The following TNRC18 variants were observed in gnomAD, a reference collection of about 807,000 sequenced individuals.
The protein encoded by TNRC18 is trinucleotide repeat-containing gene 18 protein.
TNRC18 carries 69 observed loss-of-function variants against 226.7 expected under a neutral mutation model. That is an observed-to-expected ratio of 0.30 (90% CI 0.25 to 0.37). The LOEUF is 0.37. TNRC18 is among the 10% of genes least tolerant of loss of function. The pLI, the probability that TNRC18 is intolerant of heterozygous loss-of-function variation, is 1.00. For synonymous variants in TNRC18, 2,449 were observed against 1,927.6 expected, an observed-to-expected ratio of 1.27 and a Z score of -7.09; for missense variants, 4,754 against 4,256.6, an observed-to-expected ratio of 1.12 and a Z score of -3.25.
intron 19 of TNRC18, among the ~76,000 whole-genome samples, chr7:5,332,153 G>A (rs1001327123): frequency 6.6e-6 from 1 of 152,150 alleles, no homozygotes; most frequent in Non-Finnish European, 1.5e-5. Context: ...TAAGATACGG[G>A]TGGTCAAGCA....
chr7:5,311,201 T>TGTGC lies in TNRC18; in HGVS notation c.8388+1301_8388+1302insGCAC, dbSNP rs11281033. ...GTACATGTGCACACATATGTGCGTG[T>TGTGC]GTGTGTGCATGTGCCCATGCTTTTG... On this transcript the variant is annotated intron_variant, in intron 27 of 29. Coordinates refer to ENST00000430969, the MANE Select transcript of TNRC18 (RefSeq NM_001080495.3). Among the ~76,000 whole-genome samples the TGTGC allele has an allele frequency of 7.4e-3, 1,121 of 152,174 alleles. 35 individuals are homozygous for TGTGC. The highest frequency in any genetic ancestry group is 0.055 in the Admixed American group (834 of 15,278).
At position 5,356,833 on chromosome 7, in the gene TNRC18, G is replaced by C. The variant is rs539870992; in HGVS notation, c.5194+83C>G. 20 of 1,437,914 alleles carry C rather than the reference G, an allele frequency of 1.4e-5. 1 individual carries two copies. The highest frequency in any genetic ancestry group is 2.5e-5 in the East Asian group (1 of 40,132). The allele number at this position is 1,437,914 out of a possible 1,614,324, so 89.1% of individuals were successfully genotyped here. A position where few individuals can be genotyped will look rare whatever the true frequency, so the allele number is the denominator to read the frequency against. ...GAGCGAGAGAGAGAGTGAGGGGCGG[G>C]GGGGGAAGGAGGACGGTGGAGAGAA... On this transcript the variant is annotated intron_variant, in intron 16 of 29. Transcript: ENST00000430969.
At chr7:5,418,881 G>A (rs1782357368) in intron 2 of TNRC18, among the ~76,000 whole-genome samples, 1 of 152,220 alleles carries the variant, frequency 6.6e-6, no homozygotes, top group Admixed American at 6.5e-5. Context: ...CACGGGCTTG[G>A]CTCTGGGCGT....
At chr7:5,397,561 A>G (rs763586881) in intron 2 of TNRC18, among the ~76,000 whole-genome samples, 20 of 151,954 alleles carry the variant, frequency 1.3e-4, no homozygotes, top group African/African-American at 3.6e-4. Context: ...ATGGACACAC[A>G]ATCCCCACTC....
In TNRC18 at chr7:5,324,386, T is replaced by G. The variant is rs777852112; in HGVS notation, c.6301-31A>C. 1 of 1,610,960 alleles carries G rather than the reference T, an allele frequency of 6.2e-7. No individual in the cohort carries two copies. Among genetic ancestry groups the G allele is most frequent in the South Asian group, 1.1e-5 (1 of 91,004 alleles). On this transcript the variant is annotated intron_variant, in intron 20 of 29. Transcript: ENST00000430969. This position sits in a 1 kb window ranked among gnomAD's most constrained non-coding sequence, Gnocchi z 4.8. ...GACAGAACATGGCCGACAAATGACTTAGGACCTGAACAGGGGTCCTGCCGG... is the reference window on the plus strand; with the variant it reads ...GACAGAACATGGCCGACAAATGACTGAGGACCTGAACAGGGGTCCTGCCGG...
In TNRC18 at chr7:5,362,711, C is replaced by G. The variant is rs746622103; in HGVS notation, c.4334G>C (p.Arg1445Pro). The G allele has an allele frequency of 1.0e-5, 16 of 1,581,688 alleles. No homozygotes were observed. In the African/African-American group the frequency reaches 2.2e-4, roughly 21 times the overall value. ...GPVVDPLKNL[R>P]LPRELKPNKK... ...GTTGGGCTTCAGCTCCCGCGGGAGC[C>G]GCAGGTTCTTGAGTGGGTCCACCAC... The change falls in exon 12 of 30, where the codon CGG (arginine) becomes CCG (proline). Residue 1445 changes from arginine to proline, a missense_variant. Coordinates refer to ENST00000430969, the MANE Select transcript of TNRC18 (RefSeq NM_001080495.3).
chr7:5,326,753 G>A (rs1282609578), intron 19 of TNRC18, among the ~76,000 whole-genome samples: 1 of 151,448 alleles, frequency 6.6e-6, no homozygotes, highest in Non-Finnish European at 1.5e-5. Context: ...GTTGCAGTGA[G>A]CCGAGATCGC....
chr7:5,405,879 C>T lies in TNRC18; in HGVS notation c.188-11284G>A, dbSNP rs149093061. On this transcript the variant is annotated intron_variant, in intron 2 of 29. Transcript: ENST00000430969. ...AGGAGTTTGAGACCAGTCTCGGCAA[C>T]ATCAAGAGACCCGTTTCTATTTTAA... Among the ~76,000 whole-genome samples the T allele has an allele frequency of 1.2e-3, 178 of 152,284 alleles. 1 individual carries two copies. Among genetic ancestry groups the T allele is most frequent in the African/African-American group, 4.3e-3 (177 of 41,564 alleles).
At chr7:5,413,963 T>G (rs1584120088) in intron 2 of TNRC18, among the ~76,000 whole-genome samples, 1 of 151,998 alleles carries the variant, frequency 6.6e-6, no homozygotes, top group Non-Finnish European at 1.5e-5. Flanking sequence ...GTCTTATTTG[T>G]TTTTTTTGAG....
chr7:5,410,228 T>C (rs113270683), intron 2 of TNRC18, among the ~76,000 whole-genome samples: 1,973 of 149,378 alleles, frequency 0.013, 52 homozygotes, highest in African/African-American at 0.046. Context: ...TGAGAATCAT[T>C]TGAACCCAAG....
Position 5,308,327 on chromosome 7 carries a change from G to A in TNRC18, c.8701-15C>T, listed in dbSNP as rs1225587424. On this transcript the variant is annotated splice_polypyrimidine_tract_variant and intron_variant, in intron 29 of 29. Coordinates refer to ENST00000430969, the MANE Select transcript of TNRC18 (RefSeq NM_001080495.3). ...TATAGCGCGCGCTGCGGGCACGCGG[G>A]GATATCAGGATGGCAGGTGGGGGGC... 3 of 1,599,136 alleles carry A rather than the reference G, an allele frequency of 1.9e-6. No homozygotes were observed. The highest frequency in any genetic ancestry group is 1.1e-5 in the South Asian group (1 of 88,692).
chr7:5,307,555 C>T lies in TNRC18; in HGVS notation c.*551G>A, dbSNP rs1016142229. 4.2e-5 allele frequency: 19 copies of T among 450,444 alleles called. No individual in the cohort carries two copies. The highest frequency in any genetic ancestry group is 2.0e-4 in the South Asian group (13 of 63,582). The allele number at this position is 450,444 out of a possible 1,614,324, so 27.9% of individuals were successfully genotyped here. A position where few individuals can be genotyped will look rare whatever the true frequency, so the allele number is the denominator to read the frequency against. ...CCCCACCCGGCTCTGTTCCCCAAGT[C>T]TAGGCCATCCTGAGAGGGTGGGGGC... On this transcript the variant is annotated 3_prime_UTR_variant, in exon 30 of 30. Coordinates refer to ENST00000430969, the MANE Select transcript of TNRC18 (RefSeq NM_001080495.3).
chr7:5,375,665 A>C (rs1794594800), intron 9 of TNRC18, among the ~76,000 whole-genome samples: 2 of 152,068 alleles, frequency 1.3e-5, no homozygotes, highest in African/African-American at 4.8e-5. Context: ...CCGAGAGGCC[A>C]CCTGGAGAGA....
At chr7:5,408,516 C>A (rs1452909388) in intron 2 of TNRC18, among the ~76,000 whole-genome samples, 3 of 151,408 alleles carry the variant, frequency 2.0e-5, no homozygotes, top group Non-Finnish European at 2.9e-5. Context: ...GGTGTGGCAG[C>A]GCGTGCAGCT....
At chr7:5,322,732 G>A (rs1788504930) in intron 21 of TNRC18, among the ~76,000 whole-genome samples, 1 of 152,234 alleles carries the variant, frequency 6.6e-6, no homozygotes, top group Admixed American at 6.5e-5. Context: ...ACTTGGGCCT[G>A]CCCTTCCTCC....
intron 18 of TNRC18, among the ~76,000 whole-genome samples, chr7:5,341,628 G>A (rs1289466169): frequency 6.6e-6 from 1 of 151,800 alleles, no homozygotes; most frequent in African/African-American, 2.4e-5. Flanking sequence ...GCCACATGTG[G>A]TGGTGCACGC....
intron 2 of TNRC18, among the ~76,000 whole-genome samples, chr7:5,413,973 G>A (rs908810565): frequency 6.6e-6 from 1 of 152,000 alleles, no homozygotes; most frequent in Admixed American, 6.5e-5. Flanking sequence ...TTTTTTTTGA[G>A]ATGGAGTCTC....
At position 5,347,338 on chromosome 7, in the gene TNRC18, C is replaced by T. The variant is rs368249419; in HGVS notation, c.5471-1528G>A. On this transcript the variant is annotated intron_variant, in intron 17 of 29. Transcript: ENST00000430969. ...GAGTAGTGGGACTACAGGCGCCCAC[C>T]ACCACACCAGGCTAATTTTTTTTTT... Among the ~76,000 whole-genome samples, 236 of 151,092 alleles carry T rather than the reference C, an allele frequency of 1.6e-3. 5 individuals carry two copies. In the East Asian group the frequency reaches 0.042, roughly 27 times the overall value.
At position 5,382,022 on chromosome 7, in the gene TNRC18, TAAAC is replaced by T. The variant is rs552692066; in HGVS notation, c.2153-4002_2153-3999del. Among the ~76,000 whole-genome samples, 479 of 152,074 alleles carry T rather than the reference TAAAC, an allele frequency of 3.1e-3. 3 individuals are homozygous for T. The highest frequency in any genetic ancestry group is 5.3e-3 in the Non-Finnish European group (360 of 68,000). On this transcript the variant is annotated intron_variant, in intron 5 of 29. Coordinates refer to ENST00000430969, the MANE Select transcript of TNRC18 (RefSeq NM_001080495.3). Reference sequence around the variant, plus strand: ...TAAAAAATAAAATAAAGTGGATAAATAAACAAAGGCTGTCCCTGTGCCCAGCAGG... The same window carrying T: ...TAAAAAATAAAATAAAGTGGATAAATAAAGGCTGTCCCTGTGCCCAGCAGG...
Sources: allele counts gnomAD v4.1 joint callset (sites outside exome capture counted in the v4.1 genomes callset), GRCh38; gene constraint gnomAD v4.1.1; non-coding constraint Gnocchi (gnomAD v3.1); transcripts MANE v1.5; gene names NCBI Gene and HGNC (gene_info 2026-07-23, HGNC 2026-07-21).